ZBTB20: variants seen among roughly 807,000 people sequenced by gnomAD.
ZBTB20 encodes zinc finger and BTB domain-containing protein 20.
ZBTB20 carries 9 observed loss-of-function variants against 56.9 expected under a neutral mutation model. That is an observed-to-expected ratio of 0.16 (90% CI 0.10 to 0.28). ZBTB20 has a LOEUF of 0.28. ZBTB20 is among the 10% of genes least tolerant of loss of function. The pLI is 1.00. For missense variants in ZBTB20, 655 were observed against 1,003.0 expected (o/e 0.65, Z 4.69); for synonymous variants, 417 against 420.7 (o/e 0.99, Z 0.11).
chr3:114,504,409 C>A (rs999338883), intron 6 of ZBTB20, among the ~76,000 whole-genome samples: 4 of 152,056 alleles, frequency 2.6e-5, no homozygotes, highest in Non-Finnish European at 5.9e-5. Context: ...GTAGAAAAAG[C>A]CACAAAATAA....
chr3:114,683,627 C>A (rs2062126143), intron 6 of ZBTB20, among the ~76,000 whole-genome samples: 1 of 152,100 alleles, frequency 6.6e-6, no homozygotes, highest in African/African-American at 2.4e-5. Flanking sequence ...GAAATAGAGG[C>A]TAGAACATCT....
Position 114,746,859 on chromosome 3 carries a change from G to T in ZBTB20, c.-342-53284C>A, listed in dbSNP as rs56892872. Among the ~76,000 whole-genome samples the T allele has an allele frequency of 5.7e-3, 867 of 152,256 alleles. 13 individuals carry two copies. The highest frequency in any genetic ancestry group is 0.019 in the African/African-American group (804 of 41,566). On this transcript the variant is annotated intron_variant, in intron 5 of 11. Transcript: ENST00000675478. ...GCCATGTGCAGTTAAAAAGAAAGAAGTCAGAAGTCTTCGATATTTTTCACA... is the reference window on the plus strand; with the variant it reads ...GCCATGTGCAGTTAAAAAGAAAGAATTCAGAAGTCTTCGATATTTTTCACA...
In ZBTB20 at chr3:114,763,517, C is replaced by T. The variant is rs184876872; in HGVS notation, c.-343+37584G>A. Among the ~76,000 whole-genome samples, 8 of 152,196 alleles carry T rather than the reference C, an allele frequency of 5.3e-5. No homozygotes were observed. The East Asian group carries it at 1.5e-3, about 29-fold the overall frequency. ...TGCATAGAACATAGAATATAGAAAT[C>T]CCCAAATATAAGAATGAAAACTTAA... is the stretch of plus-strand genomic sequence containing the variant. On this transcript the variant is annotated intron_variant, in intron 5 of 11. Coordinates refer to ENST00000675478, the MANE Select transcript of ZBTB20 (RefSeq NM_001348800.3).
At chr3:114,858,315 A>G (rs2107467807) in intron 4 of ZBTB20, among the ~76,000 whole-genome samples, 1 of 152,332 alleles carries the variant, frequency 6.6e-6, no homozygotes, top group South Asian at 2.1e-4. Context: ...GGGTTTAAAT[A>G]CAGGAGGTAA....
At chr3:114,347,774 A>G (rs2080319286) in intron 11 of ZBTB20, among the ~76,000 whole-genome samples, 1 of 152,222 alleles carries the variant, frequency 6.6e-6, no homozygotes, top group Non-Finnish European at 1.5e-5. Context: ...GAAGAGCATT[A>G]CTTCTTTTAA....
intron 5 of ZBTB20, among the ~76,000 whole-genome samples, chr3:114,773,565 T>C (rs112239485): frequency 1.8e-4 from 28 of 152,190 alleles, no homozygotes; most frequent in African/African-American, 4.6e-4. Context: ...CAAGTGCAAA[T>C]TGTCCTCACC....
At chr3:114,614,520 T>C (rs1424625939) in intron 6 of ZBTB20, among the ~76,000 whole-genome samples, 1 of 152,110 alleles carries the variant, frequency 6.6e-6, no homozygotes, top group Non-Finnish European at 1.5e-5. Context: ...GCAGTTACCT[T>C]ATGAAGAATG....
intron 7 of ZBTB20, among the ~76,000 whole-genome samples, chr3:114,405,265 T>C (rs914732132): frequency 6.6e-6 from 1 of 152,122 alleles, no homozygotes; most frequent in African/African-American, 2.4e-5. Flanking sequence ...TATAGCAACA[T>C]ACAGTGTCAT....
chr3:114,652,082 G>GAGT (rs760546573), intron 6 of ZBTB20, among the ~76,000 whole-genome samples: 1 of 151,950 alleles, frequency 6.6e-6, no homozygotes, highest in Non-Finnish European at 1.5e-5. Context: ...TACACAGAAT[G>GAGT]AGTTTTGATT....
At chr3:114,566,984 T>C (rs1040095857) in intron 6 of ZBTB20, among the ~76,000 whole-genome samples, 8 of 152,216 alleles carry the variant, frequency 5.3e-5, no homozygotes, top group Non-Finnish European at 8.8e-5. Flanking sequence ...TTCATTCCTA[T>C]TGACTTAGCA....
At chr3:114,554,346 A>G (rs1319836513) in intron 6 of ZBTB20, among the ~76,000 whole-genome samples, 1 of 152,170 alleles carries the variant, frequency 6.6e-6, no homozygotes, top group Non-Finnish European at 1.5e-5. Context: ...TACTACCACA[A>G]GGGCATTTTG....
chr3:114,887,673 T>G (rs1195106567), intron 4 of ZBTB20, among the ~76,000 whole-genome samples: 1 of 152,186 alleles, frequency 6.6e-6, no homozygotes, highest in Non-Finnish European at 1.5e-5. Flanking sequence ...AATGTGGCCC[T>G]GCTGCATTTT....
At chr3:114,480,243 C>T (rs1219346058) in intron 7 of ZBTB20, among the ~76,000 whole-genome samples, 1 of 151,936 alleles carries the variant, frequency 6.6e-6, no homozygotes, top group Non-Finnish European at 1.5e-5. Flanking sequence ...TAAAGCCTAG[C>T]AAGGTTTAAG....
intron 5 of ZBTB20, among the ~76,000 whole-genome samples, chr3:114,763,326 TAAG>T (rs1158295127): frequency 6.6e-6 from 1 of 152,176 alleles, no homozygotes; most frequent in East Asian, 1.9e-4. Flanking sequence ...GGCTAGTCCA[TAAG>T]AAGAAGTCCA....
intron 4 of ZBTB20, among the ~76,000 whole-genome samples, chr3:114,815,833 T>C (rs988103273): frequency 1.3e-5 from 2 of 152,164 alleles, no homozygotes; most frequent in African/African-American, 4.8e-5. Flanking sequence ...CAAAATGAAA[T>C]GGCAAATTTG....
chr3:115,105,733 C>T (rs542783267), intron 1 of ZBTB20, among the ~76,000 whole-genome samples: 21 of 152,154 alleles, frequency 1.4e-4, no homozygotes, highest in Non-Finnish European at 2.2e-4. Flanking sequence ...ATAATAAACA[C>T]AATAAAATAT....
chr3:114,456,216 G>T (rs5005458), intron 7 of ZBTB20, among the ~76,000 whole-genome samples: 3,595 of 148,330 alleles, frequency 0.024, 130 homozygotes, highest in African/African-American at 0.08. Flanking sequence ...TATATATGGA[G>T]AGAGAGAGAG....
At chr3:114,537,386 A>C (rs980806516) in intron 6 of ZBTB20, among the ~76,000 whole-genome samples, 16 of 152,180 alleles carry the variant, frequency 1.1e-4, no homozygotes, top group Admixed American at 1.0e-3. Context: ...TATGAAAAAA[A>C]GCTCATGATC....
chr3:114,485,269 A>G (rs2041994592), intron 7 of ZBTB20, among the ~76,000 whole-genome samples: 1 of 152,222 alleles, frequency 6.6e-6, no homozygotes, highest in Admixed American at 6.5e-5. Context: ...AACCCTACAC[A>G]ATCCTAGAAG....
Sources: allele counts gnomAD v4.1 joint callset (sites outside exome capture counted in the v4.1 genomes callset), GRCh38; gene constraint gnomAD v4.1.1; transcripts MANE v1.5; gene names NCBI Gene and HGNC (gene_info 2026-07-23, HGNC 2026-07-21).